STPG2: variants seen among roughly 807,000 people sequenced by gnomAD.
STPG2 encodes the protein sperm tail PG-rich repeat containing 2.
In STPG2, 56 loss-of-function variants were observed where a neutral mutation model predicts 54.2. The observed-to-expected ratio is 1.03, with a 90% CI of 0.83 to 1.29. The LOEUF (loss-of-function observed/expected upper bound fraction) is 1.29, where lower values mean the gene tolerates loss of function less well. STPG2 is among the 50% of genes most tolerant of loss of function. The pLI is 0.00. For missense variants in STPG2, 596 were observed against 544.9 expected, an observed-to-expected ratio of 1.09 and a Z score of -0.93; for synonymous variants, 200 against 181.8, an observed-to-expected ratio of 1.10 and a Z score of -0.81.
chr4:97,847,966 G>A (rs1578617733), intron 8 of STPG2, among the ~76,000 whole-genome samples: 1 of 152,262 alleles, frequency 6.6e-6, no homozygotes, highest in Middle Eastern at 3.4e-3. Flanking sequence ...CGTGGCAGTT[G>A]TACTAACTGC....
At chr4:97,683,391 C>T (rs1285050951) in intron 10 of STPG2, among the ~76,000 whole-genome samples, 1 of 151,850 alleles carries the variant, frequency 6.6e-6, no homozygotes, top group South Asian at 2.1e-4. Context: ...CAATGACAAA[C>T]AGCTACAGTA....
intron 10 of STPG2, among the ~76,000 whole-genome samples, chr4:97,599,111 T>C (rs773342852): frequency 2.6e-5 from 4 of 152,080 alleles, no homozygotes; most frequent in Non-Finnish European, 5.9e-5. Flanking sequence ...AGGACCCTTA[T>C]CAAAAGAAGA....
chr4:97,856,199 C>T lies in STPG2; in HGVS notation c.1045-15267G>A, dbSNP rs142010358. On this transcript the variant is annotated intron_variant, in intron 8 of 10. Coordinates refer to ENST00000295268, the MANE Select transcript of STPG2 (RefSeq NM_174952.3). ...TCTAAAATAGTTTTCTCTAATTCTG[C>T]GGAGAATGTCAATGGTGGTTTAATG... is the stretch of plus-strand genomic sequence containing the variant. Among the ~76,000 whole-genome samples, 425 of 152,158 alleles carry T rather than the reference C, an allele frequency of 2.8e-3. 3 individuals carry two copies. The highest frequency in any genetic ancestry group is 9.5e-3 in the African/African-American group (395 of 41,512).
At chr4:97,613,275 T>C (rs1427637841) in intron 10 of STPG2, among the ~76,000 whole-genome samples, 2 of 152,214 alleles carry the variant, frequency 1.3e-5, no homozygotes, top group Middle Eastern at 3.4e-3. Context: ...CTTGGCAGTA[T>C]TGAAGAGTAC....
At chr4:97,865,065 T>C (rs7697965) in intron 8 of STPG2, among the ~76,000 whole-genome samples, 88,266 of 151,822 alleles carry the variant, frequency 0.58, 26,193 homozygotes, top group East Asian at 0.74. Flanking sequence ...CCAAAAGCAA[T>C]GGCAACAAAA....
chr4:97,791,632 T>C (rs1394666454), intron 9 of STPG2, among the ~76,000 whole-genome samples: 1 of 152,144 alleles, frequency 6.6e-6, no homozygotes, highest in Non-Finnish European at 1.5e-5. Context: ...TATTCAATTT[T>C]GATTAACAAA....
At chr4:97,590,524 T>C (rs1191776895) in intron 10 of STPG2, among the ~76,000 whole-genome samples, 5 of 152,098 alleles carry the variant, frequency 3.3e-5, no homozygotes, top group Middle Eastern at 3.4e-3. Context: ...CAAGAAATGA[T>C]AGACAAACTG....
At chr4:98,084,883 T>C (rs1264561941) in intron 5 of STPG2, among the ~76,000 whole-genome samples, 1 of 152,146 alleles carries the variant, frequency 6.6e-6, no homozygotes, top group African/African-American at 2.4e-5. Flanking sequence ...TGTTGCAATA[T>C]TGTCTCCCAG....
chr4:97,737,125 C>T (rs1725030754), intron 9 of STPG2, among the ~76,000 whole-genome samples: 1 of 152,194 alleles, frequency 6.6e-6, no homozygotes, highest in Non-Finnish European at 1.5e-5. Flanking sequence ...CTCTAGCAAA[C>T]TCCAACACAC....
chr4:97,465,771 T>G (rs959158482), intron 4 of STPG2, among the ~76,000 whole-genome samples: 1 of 152,158 alleles, frequency 6.6e-6, no homozygotes. Flanking sequence ...TGTATATTTT[T>G]ATTTGTATCA....
At chr4:97,548,614 G>T (rs1467486796) in intron 4 of STPG2, among the ~76,000 whole-genome samples, 3 of 151,924 alleles carry the variant, frequency 2.0e-5, no homozygotes, top group African/African-American at 7.3e-5. Flanking sequence ...TCATTTATTT[G>T]GAGTCTATAT....
Position 97,559,029 on chromosome 4 carries a change from GTTTT to G in STPG2, c.*25_*28del, listed in dbSNP as rs775147402. On this transcript the variant is annotated 3_prime_UTR_variant, in exon 11 of 11. Transcript: ENST00000295268. Reference sequence around the variant, plus strand: ...GAAATAAACTGACTTCCATGAAGTTGTTTTTTAAGTTTTTGCCATAAATTTATGT... The same window carrying G: ...GAAATAAACTGACTTCCATGAAGTTGTTAAGTTTTTGCCATAAATTTATGT... 10 of 1,544,610 alleles carry G rather than the reference GTTTT, an allele frequency of 6.5e-6. No homozygotes were observed. Among genetic ancestry groups the G allele is most frequent in the Non-Finnish European group, 8.8e-6 (10 of 1,134,066 alleles).
chr4:97,809,497 C>T (rs1455810896), intron 9 of STPG2, among the ~76,000 whole-genome samples: 1 of 152,082 alleles, frequency 6.6e-6, no homozygotes, highest in Non-Finnish European at 1.5e-5. Context: ...TTAGGTGAAC[C>T]CTTTAAAAGC....
intron 8 of STPG2, among the ~76,000 whole-genome samples, chr4:97,915,781 A>G (rs1712529593): frequency 6.6e-6 from 1 of 152,188 alleles, no homozygotes; most frequent in African/African-American, 2.4e-5. Context: ...ATGAAATGCT[A>G]GCTCAAGGAG....
At chr4:97,683,621 A>G (rs1408754037) in intron 10 of STPG2, among the ~76,000 whole-genome samples, 1 of 151,914 alleles carries the variant, frequency 6.6e-6, no homozygotes, top group East Asian at 1.9e-4. Flanking sequence ...AAGCTCCTCA[A>G]CTTGAAAAAT....
intron 7 of STPG2, among the ~76,000 whole-genome samples, chr4:97,965,044 C>A (rs1734040839): frequency 6.6e-6 from 1 of 152,190 alleles, no homozygotes; most frequent in African/African-American, 2.4e-5. Flanking sequence ...GGCATCACCT[C>A]ACCCAGGAAG....
At chr4:97,448,754 T>C (rs1460954457) in intron 4 of STPG2, among the ~76,000 whole-genome samples, 2 of 152,186 alleles carry the variant, frequency 1.3e-5, no homozygotes, top group Non-Finnish European at 2.9e-5. Flanking sequence ...TAGTAGATTA[T>C]ATTTTGCCTC....
At chr4:97,690,450 C>T (rs1723329395) in intron 10 of STPG2, among the ~76,000 whole-genome samples, 1 of 151,904 alleles carries the variant, frequency 6.6e-6, no homozygotes, top group South Asian at 2.1e-4. Context: ...TAATATAGTA[C>T]CACCAAGAGT....
chr4:97,451,268 A>G (rs1324587193), intron 4 of STPG2, among the ~76,000 whole-genome samples: 2 of 152,202 alleles, frequency 1.3e-5, no homozygotes, highest in Admixed American at 1.3e-4. Flanking sequence ...TACTACTGAA[A>G]AGTGGTGAAG....
Sources: gnomAD v4.1 joint callset for allele counts (sites outside exome capture counted in the v4.1 genomes callset) on GRCh38, gnomAD v4.1.1 for gene constraint, MANE v1.5 for transcripts, NCBI Gene and HGNC (gene_info 2026-07-23, HGNC 2026-07-21) for gene names.